Variants in ANGPT1 observed in about 807,000 individuals in gnomAD.
ANGPT1 encodes angiopoietin-1.
Under a neutral mutation model 62.2 loss-of-function variants are expected in ANGPT1, and 17 were observed. The observed-to-expected ratio is 0.27, with a 90% CI of 0.19 to 0.41. The LOEUF is 0.41. ANGPT1 is among the 10% of genes least tolerant of loss of function. The pLI is 1.00. For missense variants in ANGPT1, 478 were observed against 594.9 expected (o/e 0.80, Z 2.04); for synonymous variants, 199 against 198.9 (o/e 1.00, Z 0.00).
At chr8:107,328,840 A>C (rs532001166) in intron 3 of ANGPT1, among the ~76,000 whole-genome samples, 5 of 151,984 alleles carry the variant, frequency 3.3e-5, no homozygotes, top group Non-Finnish European at 7.4e-5. Context: ...ATGTGAAGAT[A>C]ACTTGTGAAT....
intron 7 of ANGPT1, among the ~76,000 whole-genome samples, 177 bp from the exon 8 acceptor site, chr8:107,264,528 A>G (rs975864585): frequency 6.6e-6 from 1 of 152,192 alleles, no homozygotes; most frequent in Non-Finnish European, 1.5e-5. Context: ...AAGGAAGGAA[A>G]AAGTTTATTT....
intron 5 of ANGPT1, 108 bp downstream of exon 5, chr8:107,303,132 C>A: frequency 7.6e-7 from 1 of 1,313,450 alleles, no homozygotes; most frequent in Admixed American, 2.2e-5. Flanking sequence ...AAAGTTCAGG[C>A]ATCTCTATAT....
intron 1 of ANGPT1, among the ~76,000 whole-genome samples, chr8:107,409,267 T>C (rs1303918791): frequency 1.3e-5 from 2 of 152,212 alleles, no homozygotes; most frequent in African/African-American, 4.8e-5. Context: ...CTGATTAATA[T>C]AATAGTGTCA....
At chr8:107,317,747 C>T (rs34954748) in intron 4 of ANGPT1, among the ~76,000 whole-genome samples, 25,624 of 151,740 alleles carry the variant, frequency 0.17, 2,380 homozygotes, top group East Asian at 0.34. Context: ...TCTCCTGCCT[C>T]AGCCTCCTGA....
chr8:107,439,661 A>T (rs1811421827), intron 1 of ANGPT1, among the ~76,000 whole-genome samples: 1 of 152,254 alleles, frequency 6.6e-6, no homozygotes, highest in African/African-American at 2.4e-5. Context: ...TTGCATGTAA[A>T]AATAAATACT....
chr8:107,394,993 G>T (rs1323125080), intron 1 of ANGPT1, among the ~76,000 whole-genome samples: 3 of 151,958 alleles, frequency 2.0e-5, no homozygotes, highest in East Asian at 3.9e-4. Flanking sequence ...TCTATCTATA[G>T]ATTGAAGAAT....
chr8:107,427,760 TA>T (rs1480796669), intron 1 of ANGPT1, among the ~76,000 whole-genome samples: 1 of 152,178 alleles, frequency 6.6e-6, no homozygotes, highest in South Asian at 2.1e-4. Context: ...AAGACCTGGG[TA>T]AGACCAAGTT....
chr8:107,490,403 T>G (rs1812926936), intron 1 of ANGPT1, among the ~76,000 whole-genome samples: 1 of 152,182 alleles, frequency 6.6e-6, no homozygotes, highest in Admixed American at 6.5e-5. Flanking sequence ...GCTTTAGGAA[T>G]ATTTCCCTGT....
rs375150311 is a variant in ANGPT1, at chr8:107,438,379, A to G, written c.297+58883T>C. Among the ~76,000 whole-genome samples the G allele has an allele frequency of 1.4e-4, 21 of 152,068 alleles. No individual in the cohort carries two copies. The East Asian group carries it at 2.1e-3, about 15-fold the overall frequency. On this transcript the variant is annotated intron_variant, in intron 1 of 8. Transcript: ENST00000517746. Reference sequence around the variant, plus strand: ...TTTGTCATTTGATATAATTCCAGTGATATTTCCTGATAAAGACTGTTCATC... The same window carrying G: ...TTTGTCATTTGATATAATTCCAGTGGTATTTCCTGATAAAGACTGTTCATC...
intron 2 of ANGPT1, among the ~76,000 whole-genome samples, chr8:107,346,740 T>C (rs1044917472): frequency 1.3e-5 from 2 of 152,070 alleles, no homozygotes; most frequent in African/African-American, 4.8e-5. Flanking sequence ...GGCAAACATA[T>C]GCAAAGCTAA....
At chr8:107,390,410 G>C (rs1462925718) in intron 1 of ANGPT1, among the ~76,000 whole-genome samples, 1 of 152,140 alleles carries the variant, frequency 6.6e-6, no homozygotes, top group Non-Finnish European at 1.5e-5. Context: ...AAAATATTGA[G>C]CTGAATACTC....
intron 1 of ANGPT1, among the ~76,000 whole-genome samples, chr8:107,427,977 A>G (rs1481416473): frequency 6.6e-6 from 1 of 152,198 alleles, no homozygotes; most frequent in African/African-American, 2.4e-5. Context: ...TGGTGAGTAG[A>G]TCAAGGCAAA....
chr8:107,401,619 A>G (rs1391879296), intron 1 of ANGPT1, among the ~76,000 whole-genome samples: 2 of 152,238 alleles, frequency 1.3e-5, no homozygotes, highest in African/African-American at 2.4e-5. Context: ...GCCAAAGAGT[A>G]AGATAGTTGA....
chr8:107,419,755 C>T (rs1318931545), intron 1 of ANGPT1, among the ~76,000 whole-genome samples: 2 of 152,118 alleles, frequency 1.3e-5, no homozygotes, highest in Admixed American at 1.3e-4. Context: ...ACAGGACAAA[C>T]TTCAACCCAG....
At chr8:107,291,853 C>A (rs918022967) in intron 6 of ANGPT1, among the ~76,000 whole-genome samples, 13 of 140,712 alleles carry the variant, frequency 9.2e-5, no homozygotes, top group Non-Finnish European at 1.8e-4. Flanking sequence ...CATACCAATC[C>A]CAAAAGATAA....
chr8:107,341,710 A>G (rs1815699667), intron 2 of ANGPT1, among the ~76,000 whole-genome samples: 1 of 151,452 alleles, frequency 6.6e-6, no homozygotes, highest in African/African-American at 2.4e-5. Flanking sequence ...TGGTTACAGA[A>G]TTTAATAGAG....
rs1448419592 is a variant in ANGPT1, at chr8:107,497,627, GTTCT to G, written c.-73_-70del. On this transcript the variant is annotated 5_prime_UTR_variant, in exon 1 of 9. The change abolishes the stop of an existing upstream ORF in the 5' untranslated region. Coordinates refer to ENST00000517746, the MANE Select transcript of ANGPT1 (RefSeq NM_001146.5). ...TCCTTTCTTCTGACCTCTAAAACTAGTTCTTTATTTCAGGTAAAACTGCTTGTTT... is the reference window on the plus strand; with the variant it reads ...TCCTTTCTTCTGACCTCTAAAACTAGTTATTTCAGGTAAAACTGCTTGTTT... 1 of 1,470,372 alleles carries G rather than the reference GTTCT, an allele frequency of 6.8e-7. No homozygotes were observed. The highest frequency in any genetic ancestry group is 9.1e-7 in the Non-Finnish European group (1 of 1,094,802). 91.1% of individuals were successfully genotyped at this position (1,470,372 alleles called of 1,614,324 possible).
chr8:107,292,691 G>A (rs748142390), intron 6 of ANGPT1, among the ~76,000 whole-genome samples: 26 of 152,084 alleles, frequency 1.7e-4, no homozygotes, highest in Non-Finnish European at 2.8e-4. Context: ...GTTCGACTGA[G>A]TATCTGATAA....
chr8:107,273,573 G>C (rs1813790316), intron 7 of ANGPT1, among the ~76,000 whole-genome samples: 1 of 151,858 alleles, frequency 6.6e-6, no homozygotes, highest in Non-Finnish European at 1.5e-5. Flanking sequence ...AAATAAGGCA[G>C]ACTGTCTCTC....
Sources: gnomAD v4.1 joint callset for allele counts (sites outside exome capture counted in the v4.1 genomes callset) on GRCh38, gnomAD v4.1.1 for gene constraint, MANE v1.5 for transcripts, NCBI Gene and HGNC (gene_info 2026-07-23, HGNC 2026-07-21) for gene names.